Variants in USP9X observed in about 807,000 individuals in gnomAD.
The protein encoded by USP9X is ubiquitin specific peptidase 9 X-linked.
Under a neutral mutation model 190.3 loss-of-function variants are expected in USP9X, and 7 were observed. The observed-to-expected ratio is 0.04, with a 90% confidence interval of 0.02 to 0.07. USP9X has a LOEUF of 0.07. USP9X is among the 10% of genes least tolerant of loss of function. The probability of loss-of-function intolerance (pLI) is 1.00; values close to 1 mark genes in which losing one functional copy is unlikely to be tolerated. For missense variants in USP9X, 1,010 were observed against 1,916.9 expected, an observed-to-expected ratio of 0.53 and a Z score of 8.83; for synonymous variants, 645 against 659.5, an observed-to-expected ratio of 0.98 and a Z score of 0.34.
rs1391113070 is a variant in USP9X, at chrX:41,085,999, C to T, written c.-269C>T. ...GATACACTTTGTTGCCGGTCACCCC[C>T]GGGCCTGGGATGCACCCAGGGTAGG... On this transcript the variant is annotated 5_prime_UTR_variant, in exon 1 of 45. Transcript: ENST00000378308. The T allele has an allele frequency of 3.4e-6, 1 of 296,498 alleles. No homozygotes were observed. The highest frequency in any genetic ancestry group is 2.7e-5 in the African/African-American group (1 of 36,572). The allele number at this position is 296,498 out of a possible 1,213,427, so 24.4% of individuals were successfully genotyped here.
chrX:41,198,435 G>T (rs2063009207), intron 29 of USP9X, 93 bp from the exon 30 acceptor site: 2 of 511,430 alleles, frequency 3.9e-6, no homozygotes, highest in South Asian at 5.2e-5. Context: ...AAATTCCAAT[G>T]AGTAATTTTA....
At chrX:41,089,719 A>T (rs1231871031) in intron 1 of USP9X, among the ~76,000 whole-genome samples, 1 of 110,438 alleles carries the variant, frequency 9.1e-6, no homozygotes, top group East Asian at 2.8e-4. Context: ...GATTTTGATT[A>T]AGCGTTTTGA....
At chrX:41,198,909 G>A (rs922902527) in intron 30 of USP9X, among the ~76,000 whole-genome samples, 159 bp downstream of exon 30, 1 of 112,076 alleles carries the variant, frequency 8.9e-6, no homozygotes, top group South Asian at 3.7e-4. Flanking sequence ...ATTATAGGCC[G>A]GGCACGGTGG....
intron 14 of USP9X, among the ~76,000 whole-genome samples, chrX:41,159,448 A>G (rs1050361883): frequency 8.9e-6 from 1 of 112,400 alleles, no homozygotes; most frequent in Non-Finnish European, 1.9e-5. Context: ...ATAAATCTGT[A>G]CAACATGAAT....
At chrX:41,092,930 T>G (rs1022599294) in intron 1 of USP9X, among the ~76,000 whole-genome samples, 10 of 110,946 alleles carry the variant, frequency 9.0e-5, no homozygotes, top group African/African-American at 3.0e-4. Context: ...TGGATTGTGG[T>G]GACGCAATCA....
chrX:41,183,343 T>C, intron 21 of USP9X, among the ~76,000 whole-genome samples: 1 of 111,709 alleles, frequency 9.0e-6, no homozygotes. Context: ...ATCAAAATAC[T>C]TTCCAAGGTT....
chrX:41,153,145 C>A, intron 14 of USP9X, 64 bp downstream of exon 14: 1 of 1,047,497 alleles, frequency 9.5e-7, no homozygotes, highest in Non-Finnish European at 1.3e-6. Flanking sequence ...CATTAATTAC[C>A]TTAGAAATGT....
chrX:41,232,733 G>C lies in USP9X; in HGVS notation c.*209G>C. On this transcript the variant is annotated 3_prime_UTR_variant, in exon 45 of 45. Transcript: ENST00000378308. ...AGTGTATAGTGTTTTGTAATAAATG[G>C]CCTGATGCTAATGTGTAAATGGCAA... is the stretch of plus-strand genomic sequence containing the variant. The C allele has an allele frequency of 2.6e-6, 1 of 382,394 alleles. No homozygotes were observed. The highest frequency in any genetic ancestry group is 6.1e-5 in the South Asian group (1 of 16,482). The allele number at this position is 382,394 out of a possible 1,213,427, so 31.5% of individuals were successfully genotyped here.
In USP9X at chrX:41,085,854, G is replaced by A; in HGVS notation, c.-414G>A. 3.3e-6 allele frequency: 1 copy of A among 299,086 alleles called. No individual in the cohort carries two copies. Among genetic ancestry groups the A allele is most frequent in the Admixed American group, 6.0e-5 (1 of 16,607 alleles). The allele number at this position is 299,086 out of a possible 1,213,427, so 24.6% of individuals were successfully genotyped here. On this transcript the variant is annotated 5_prime_UTR_variant, in exon 1 of 45. Transcript: ENST00000378308. ...CCAGCCTGAGGGGAGAAGGGGAAGA[G>A]GGCCGTCGCCGGCCAAGGAGGAGGA...
At chrX:41,205,618 T>G in intron 32 of USP9X, 125 bp downstream of exon 32, 1 of 601,652 alleles carries the variant, frequency 1.7e-6, no homozygotes, top group Non-Finnish European at 2.3e-6. Flanking sequence ...ATTCAAACTG[T>G]CCTTAATTGG....
At chrX:41,124,620 A>G (rs1380765112) in intron 2 of USP9X, among the ~76,000 whole-genome samples, 1 of 111,764 alleles carries the variant, frequency 8.9e-6, no homozygotes, top group African/African-American at 3.3e-5. Context: ...CATTCAGTGT[A>G]GCCTATGGTT....
At chrX:41,216,746 TA>T in intron 35 of USP9X, 94 bp downstream of exon 35, 1 of 980,798 alleles carries the variant, frequency 1.0e-6, no homozygotes, top group Admixed American at 3.4e-5. Flanking sequence ...GTTTTCACTT[TA>T]AATGAGTCTA....
chrX:41,112,120 C>T (rs1241420541), intron 1 of USP9X, among the ~76,000 whole-genome samples: 2 of 112,494 alleles, frequency 1.8e-5, no homozygotes, highest in African/African-American at 6.5e-5. Context: ...GCTGGGATTA[C>T]AGGCGTCAGC....
chrX:41,201,125 G>A lies in USP9X; in HGVS notation c.4669G>A (p.Val1557Met). 1 of 1,211,683 alleles carries A rather than the reference G, an allele frequency of 8.3e-7. No individual in the cohort carries two copies. Among genetic ancestry groups the A allele is most frequent in the Non-Finnish European group, 1.1e-6 (1 of 895,540 alleles). Residue 1557 changes from valine to methionine, a missense_variant, in exon 31 of 45, where the codon GTG (valine) becomes ATG (methionine). Physicochemically the swap from Val to Met is conservative, Grantham distance 21. Transcript: ENST00000378308. ...PVGPRPPKGF[V>M]GLKNAGATCY... ...TGGACCCCGCCCACCCAAAGGATTC[G>A]TGGGGCTGAAAAATGCCGGTGCTAC...
chrX:41,143,147 A>G (rs1266315687), intron 9 of USP9X, 144 bp from the exon 10 acceptor site: 1 of 410,263 alleles, frequency 2.4e-6, no homozygotes, highest in Admixed American at 5.8e-5. Flanking sequence ...TTTTCCATTA[A>G]AGCAACACAT....
At chrX:41,099,138 C>A (rs1601931653) in intron 1 of USP9X, among the ~76,000 whole-genome samples, 1 of 71,418 alleles carries the variant, frequency 1.4e-5, no homozygotes, top group African/African-American at 5.9e-5. Flanking sequence ...GAGATGGAGT[C>A]TCACTATGTT....
At chrX:41,226,826 T>TG (rs1008036215) in intron 41 of USP9X, among the ~76,000 whole-genome samples, 1 of 111,865 alleles carries the variant, frequency 8.9e-6, no homozygotes, top group Non-Finnish European at 1.9e-5. Context: ...TTTTTAAAAA[T>TG]GCTGTATTTC....
intron 14 of USP9X, among the ~76,000 whole-genome samples, chrX:41,161,184 A>G (rs979987588): frequency 2.3e-4 from 26 of 111,199 alleles, no homozygotes; most frequent in African/African-American, 8.5e-4. Context: ...GTAAAAGGAC[A>G]TATGTCCAAC....
intron 1 of USP9X, among the ~76,000 whole-genome samples, chrX:41,093,627 G>A (rs1056343058): frequency 1.8e-5 from 2 of 112,186 alleles, no homozygotes; most frequent in Non-Finnish European, 3.8e-5. Flanking sequence ...ACAGGCATGA[G>A]CCATCATGCC....
Sources: gnomAD v4.1 joint callset for allele counts (sites outside exome capture counted in the v4.1 genomes callset) on GRCh38, gnomAD v4.1.1 for gene constraint, MANE v1.5 for transcripts, NCBI Gene and HGNC (gene_info 2026-07-23, HGNC 2026-07-21) for gene names.